CAPS2: variants seen among roughly 807,000 people sequenced by gnomAD.
CAPS2 encodes the protein calcyphosine 2, also known as calcyphosin-2.
A neutral mutation model predicts 86.5 loss-of-function variants in CAPS2; 98 were observed. The observed-to-expected ratio is 1.13, with a 90% CI of 0.96 to 1.34. The LOEUF (loss-of-function observed/expected upper bound fraction) is 1.34, where lower values mean the gene tolerates loss of function less well. CAPS2 is among the 40% of genes most tolerant of loss of function. The pLI is 0.00. For missense variants in CAPS2, 729 were observed against 686.8 expected (o/e 1.06, Z -0.69); for synonymous variants, 210 against 225.1 (o/e 0.93, Z 0.60).
intron 1 of CAPS2, among the ~76,000 whole-genome samples, chr12:75,342,817 C>G (rs2042204940): frequency 6.6e-6 from 1 of 152,046 alleles, no homozygotes; most frequent in Non-Finnish European, 1.5e-5. Context: ...TTATATCTCT[C>G]CATTTATTTA....
At chr12:75,314,206 C>A (rs1449580334) in intron 6 of CAPS2, among the ~76,000 whole-genome samples, 1 of 152,128 alleles carries the variant, frequency 6.6e-6, no homozygotes, top group Non-Finnish European at 1.5e-5. Flanking sequence ...AGGTATGAGC[C>A]ACCATGGCCA....
At chr12:75,330,196 G>C (rs1156350194), upstream of CAPS2, 1 of 241,398 alleles carries the variant, frequency 4.1e-6, no homozygotes, top group South Asian at 1.8e-4. Context: ...CCTCAGTTCC[G>C]CTGCCTGGCT....
intron 1 of CAPS2, among the ~76,000 whole-genome samples, chr12:75,383,664 A>G (rs1323956755): frequency 6.6e-6 from 1 of 152,206 alleles, no homozygotes; most frequent in Non-Finnish European, 1.5e-5. Flanking sequence ...GTTAAACTCA[A>G]CAACAACATC....
intron 1 of CAPS2, among the ~76,000 whole-genome samples, chr12:75,374,138 C>T (rs1481601224): frequency 6.6e-6 from 1 of 152,188 alleles, no homozygotes; most frequent in Non-Finnish European, 1.5e-5. Flanking sequence ...CCAAAGGCTC[C>T]TAACAACATC....
At chr12:75,287,567 C>T (rs2035115431) in intron 14 of CAPS2, among the ~76,000 whole-genome samples, 1 of 152,120 alleles carries the variant, frequency 6.6e-6, no homozygotes, top group Non-Finnish European at 1.5e-5. Context: ...AATGTAGTCT[C>T]CATAGAAAAG....
chr12:75,353,495 A>G (rs1037623453), intron 1 of CAPS2, among the ~76,000 whole-genome samples: 2 of 152,236 alleles, frequency 1.3e-5, no homozygotes, highest in Non-Finnish European at 1.5e-5. Flanking sequence ...AAATTGAGGC[A>G]GTAATGAACA....
downstream of CAPS2, chr12:75,276,802 T>A (rs1293577825): frequency 1.1e-6 from 1 of 903,524 alleles, no homozygotes; most frequent in Non-Finnish European, 1.3e-6. Flanking sequence ...CTATAAAATA[T>A]ACATAACTAT....
At chr12:75,346,875 T>A (rs1280475546) in intron 1 of CAPS2, among the ~76,000 whole-genome samples, 1 of 152,154 alleles carries the variant, frequency 6.6e-6, no homozygotes, top group Non-Finnish European at 1.5e-5. Context: ...TTATTCTGTG[T>A]CTAAATTCCT....
chr12:75,379,642 T>C (rs1192974339), intron 1 of CAPS2, among the ~76,000 whole-genome samples: 1 of 152,152 alleles, frequency 6.6e-6, no homozygotes, highest in Non-Finnish European at 1.5e-5. Flanking sequence ...TTTCAGGAGA[T>C]TCTCTCGTCC....
intron 1 of CAPS2, among the ~76,000 whole-genome samples, chr12:75,367,734 T>C (rs1024266376): frequency 4.6e-5 from 7 of 152,186 alleles, no homozygotes; most frequent in African/African-American, 1.7e-4. Flanking sequence ...TGACAAATCA[T>C]GTCTTCCGTT....
chr12:75,380,468 G>T (rs995033711), intron 1 of CAPS2, among the ~76,000 whole-genome samples: 1 of 151,916 alleles, frequency 6.6e-6, no homozygotes, highest in African/African-American at 2.4e-5. Flanking sequence ...ATATTCACTG[G>T]GTTTGCTTCT....
intron 1 of CAPS2, among the ~76,000 whole-genome samples, chr12:75,389,128 G>A (rs1045071755): frequency 5.3e-5 from 8 of 152,172 alleles, no homozygotes; most frequent in African/African-American, 1.9e-4. Flanking sequence ...AGATTTGTGT[G>A]ACTTGAGTGA....
chr12:75,343,254 T>G (rs1485705776), intron 1 of CAPS2, among the ~76,000 whole-genome samples: 1 of 152,104 alleles, frequency 6.6e-6, no homozygotes, highest in Non-Finnish European at 1.5e-5. Context: ...GATAAGATTT[T>G]TGTCTGTTTG....
chr12:75,359,747 A>G (rs2043440112), intron 1 of CAPS2: 1 of 152,152 alleles, frequency 6.6e-6, no homozygotes, highest in South Asian at 2.1e-4. Context: ...TGGAAAAAAA[A>G]TTAATAAATC....
At chr12:75,300,945 T>C (rs146160247) in intron 8 of CAPS2, among the ~76,000 whole-genome samples, 1 of 152,304 alleles carries the variant, frequency 6.6e-6, no homozygotes, top group East Asian at 1.9e-4. Context: ...AAACATTCCT[T>C]ACCAGAATAA....
At chr12:75,279,699 G>C (rs1215083509) in intron 16 of CAPS2, among the ~76,000 whole-genome samples, 1 of 151,870 alleles carries the variant, frequency 6.6e-6, no homozygotes, top group Non-Finnish European at 1.5e-5. Context: ...ACAAGAAATA[G>C]AGAAAAAGTC....
chr12:75,294,522 G>C (rs897582821), intron 11 of CAPS2, among the ~76,000 whole-genome samples: 1 of 152,194 alleles, frequency 6.6e-6, no homozygotes, highest in Non-Finnish European at 1.5e-5. Flanking sequence ...GTTTCTGTGA[G>C]AGGGTGGGAG....
chr12:75,357,617 G>T (rs896856421), intron 1 of CAPS2, among the ~76,000 whole-genome samples: 9 of 151,992 alleles, frequency 5.9e-5, no homozygotes, highest in Admixed American at 5.9e-4. Context: ...TCATAAAACA[G>T]ATCTTGATAC....
upstream of CAPS2, among the ~76,000 whole-genome samples, chr12:75,327,630 A>G (rs544738948): frequency 6.6e-6 from 1 of 151,910 alleles, no homozygotes; most frequent in South Asian, 2.1e-4. Context: ...ACAGACATAC[A>G]TTGTAATCCT....
Sources: allele counts gnomAD v4.1 joint callset (sites outside exome capture counted in the v4.1 genomes callset), GRCh38; gene constraint gnomAD v4.1.1; transcripts MANE v1.5; gene names NCBI Gene and HGNC (gene_info 2026-07-23, HGNC 2026-07-21).